GRIP2: variants seen among roughly 807,000 people sequenced by gnomAD.
The protein encoded by GRIP2 is glutamate receptor interacting protein 2, also known as glutamate receptor-interacting protein 2.
A neutral mutation model predicts 108.3 loss-of-function variants in GRIP2; 58 were observed. The ratio of observed to expected loss-of-function variants is 0.54; its 90% CI spans 0.43 to 0.67. The LOEUF is 0.67. Ranked by LOEUF, GRIP2 falls within the 30% of genes least tolerant of loss-of-function variation. The pLI is 0.00. For synonymous variants in GRIP2, 586 were observed against 598.2 expected, an observed-to-expected ratio of 0.98 and a Z score of 0.30; for missense variants, 1,278 against 1,430.6, an observed-to-expected ratio of 0.89 and a Z score of 1.72.
chr3:14,569,570 A>G, the GRIP2 span, among the ~76,000 whole-genome samples: 1 of 152,086 alleles, frequency 6.6e-6, no homozygotes, highest in African/African-American at 2.4e-5. Flanking sequence ...CCTGGGGGAG[A>G]GACCTGGAGA....
intron 1 of GRIP2, among the ~76,000 whole-genome samples, chr3:14,532,872 T>C (rs1411476665): frequency 6.6e-6 from 1 of 152,226 alleles, no homozygotes; most frequent in Non-Finnish European, 1.5e-5. Flanking sequence ...GAGTCAGTGT[T>C]GCTGGTCAAC....
chr3:14,520,404 G>A lies in GRIP2; in HGVS notation c.846C>T (p.Ala282=). 6.2e-7 allele frequency: 1 copy of A among 1,612,422 alleles called. No individual in the cohort carries two copies. The highest frequency in any genetic ancestry group is 2.2e-5 in the East Asian group (1 of 44,872). The change falls in exon 8 of 24, where the codon GCC becomes GCT. Residue 282 remains alanine (A), a synonymous_variant. Transcript: ENST00000621039. ...GTGTGCCTTACCTGTCCACCACGCTGGCTGGCTTGATGCGGTCGATGGTAA... is the reference window on the plus strand; with the variant it reads ...GTGTGCCTTACCTGTCCACCACGCTAGCTGGCTTGATGCGGTCGATGGTAA... ...SVITIDRIKP[A]SVVDRSGALH... is the part of the protein sequence containing the mutation.
At chr3:14,495,465 G>A (rs761196125) in intron 22 of GRIP2, among the ~76,000 whole-genome samples, 30 of 152,054 alleles carry the variant, frequency 2.0e-4, no homozygotes, top group Non-Finnish European at 3.4e-4. Context: ...GGAGTGCAAC[G>A]GCGTGATCTC....
Position 14,523,957 on chromosome 3 carries a change from T to C in GRIP2, c.404-259A>G, listed in dbSNP as rs1694481805. 1.7e-5 allele frequency: 9 copies of C among 536,232 alleles called. No homozygotes were observed. In the South Asian group the frequency reaches 2.1e-4, roughly 13 times the overall value. The allele number at this position is 536,232 out of a possible 1,614,324, so 33.2% of individuals were successfully genotyped here. A position where few individuals can be genotyped will look rare whatever the true frequency, so the allele number is the denominator to read the frequency against. ...ACGGCAGAACTCAGGCTTGAGTCCA[T>C]GGCTGGTAGGCTCAGGCCAGGGCTG... is the stretch of plus-strand genomic sequence containing the variant. On this transcript the variant is annotated intron_variant, in intron 4 of 23. Transcript: ENST00000621039.
At chr3:14,586,398 CT>C in the GRIP2 span, among the ~76,000 whole-genome samples, 2 of 152,198 alleles carry the variant, frequency 1.3e-5, no homozygotes, top group Non-Finnish European at 2.9e-5. Context: ...TGTAGAATGA[CT>C]GAAAGAAGAA....
the GRIP2 span, among the ~76,000 whole-genome samples, chr3:14,566,337 C>G: frequency 6.6e-6 from 1 of 152,232 alleles, no homozygotes; most frequent in Non-Finnish European, 1.5e-5. Flanking sequence ...AGTCACACAC[C>G]ACAGGACTGG....
In GRIP2 at chr3:14,507,467, G is replaced by A; in HGVS notation, c.2218+94C>T. 1.4e-6 allele frequency: 2 copies of A among 1,463,770 alleles called. No individual in the cohort carries two copies. Among genetic ancestry groups the A allele is most frequent in the East Asian group, 2.3e-5 (1 of 43,608 alleles). 90.7% of individuals were successfully genotyped at this position (1,463,770 alleles called of 1,614,324 possible). On this transcript the variant is annotated intron_variant, in intron 18 of 23. Transcript: ENST00000621039. This position sits in a 1 kb window ranked among gnomAD's most constrained non-coding sequence, Gnocchi z 4.6. ...GCCCGCCTCCACAGGGCTGCAGTGA[G>A]GACTCTGTGAGGGTGTGCAGGCAAA...
At position 14,505,137 on chromosome 3, in the gene GRIP2, C is replaced by T. The variant is rs2124864487; in HGVS notation, c.2573+478G>A. On this transcript the variant is annotated intron_variant, in intron 20 of 23. Transcript: ENST00000621039. The surrounding 1 kb of genome is among the most constrained non-coding windows in gnomAD (Gnocchi z 4.2). ...GCAGAAGGAACCGCCTGATCAAAAG[C>T]ACCACGATGGGAGGGTGGCCTGGGC... Among the ~76,000 whole-genome samples, 1 of 152,278 alleles carries T rather than the reference C, an allele frequency of 6.6e-6. No individual in the cohort carries two copies. The highest frequency in any genetic ancestry group is 1.5e-5 in the Non-Finnish European group (1 of 68,014).
Position 14,493,567 on chromosome 3 carries a change from G to T in GRIP2, c.*98C>A. ...AGGCTCAGAGTCTGCCAGACCAACA[G>T]ATGAATGAGTGGGTGGCCGCTTCTC... On this transcript the variant is annotated 3_prime_UTR_variant, in exon 24 of 24. Transcript: ENST00000621039. 1 of 1,350,422 alleles carries T rather than the reference G, an allele frequency of 7.4e-7. No individual in the cohort carries two copies. The highest frequency in any genetic ancestry group is 9.9e-7 in the Non-Finnish European group (1 of 1,005,662). 83.7% of individuals were successfully genotyped at this position (1,350,422 alleles called of 1,614,324 possible).
Position 14,521,793 on chromosome 3 carries a change from G to C in GRIP2, c.567-6C>G, listed in dbSNP as rs1263670089. 1.3e-6 allele frequency: 2 copies of C among 1,587,692 alleles called. No homozygotes were observed. Among genetic ancestry groups the C allele is most frequent in the Non-Finnish European group, 1.7e-6 (2 of 1,167,544 alleles). On this transcript the variant is annotated splice_region_variant and splice_polypyrimidine_tract_variant and intron_variant, in intron 6 of 23. Coordinates refer to ENST00000621039, the MANE Select transcript of GRIP2 (RefSeq NM_001080423.4). This position sits in a 1 kb window ranked among gnomAD's most constrained non-coding sequence, Gnocchi z 5.1. ...CCACCTTCAGGGAGCCCTCCCTGTA[G>C]GGAAGGGCCAGTCACCAGCCTGGCC... is the stretch of plus-strand genomic sequence containing the variant.
upstream of GRIP2, among the ~76,000 whole-genome samples, chr3:14,556,649 C>T (rs193224696): frequency 2.2e-3 from 335 of 152,332 alleles, 1 homozygote; most frequent in Non-Finnish European, 2.9e-3. Flanking sequence ...AACTATAACA[C>T]GTAGCATGGG....
At chr3:14,541,396 C>T (rs373312370), upstream of GRIP2, among the ~76,000 whole-genome samples, 8 of 152,176 alleles carry the variant, frequency 5.3e-5, no homozygotes, top group Non-Finnish European at 8.8e-5. Flanking sequence ...TTCCTGACCG[C>T]GTGGGAACAC....
intron 1 of GRIP2, chr3:14,555,754 G>A (rs1371622108): frequency 5.0e-6 from 2 of 398,512 alleles, no homozygotes; most frequent in Admixed American, 8.8e-5. Context: ...CTGGGACAGA[G>A]ACACGGAGGG....
chr3:14,585,991 C>T, the GRIP2 span, among the ~76,000 whole-genome samples: 5 of 152,200 alleles, frequency 3.3e-5, no homozygotes, highest in East Asian at 3.8e-4. Context: ...CCTGGCACCC[C>T]GGCTAAGCTC....
Position 14,511,959 on chromosome 3 carries a change from T to A in GRIP2, c.1721-480A>T, listed in dbSNP as rs1018911280. Among the ~76,000 whole-genome samples, 1 of 152,202 alleles carries A rather than the reference T, an allele frequency of 6.6e-6. No individual in the cohort carries two copies. On this transcript the variant is annotated intron_variant, in intron 14 of 23. Transcript: ENST00000621039. The surrounding 1 kb of genome is among the most constrained non-coding windows in gnomAD (Gnocchi z 4.1). ...TGCCCTCCTGGAGCTGGCACTCCAG[T>A]GGTGGTCACAATCAACAACATTTAA...
In GRIP2 at chr3:14,509,930, T is replaced by G. The variant is rs777812279; in HGVS notation, c.1968A>C (p.Thr656=). The change falls in exon 17 of 24, where the codon ACA becomes ACC. Residue 656 remains threonine (T), a synonymous_variant. Coordinates refer to ENST00000621039, the MANE Select transcript of GRIP2 (RefSeq NM_001080423.4). The stretch of plus-strand genomic sequence containing the variant: ...GACCCCCGTAGCGCTTCAGCTCCAC[T>G]GTGTAACTGACGGCACCTGTGGTCT... ...ELETTGAVSY[T]VELKRYGGPL... is the part of the protein sequence containing the mutation. 1 of 1,549,106 alleles carries G rather than the reference T, an allele frequency of 6.5e-7. No individual in the cohort carries two copies. The highest frequency in any genetic ancestry group is 8.7e-7 in the Non-Finnish European group (1 of 1,146,096).
At chr3:14,523,758 T>C (rs771363994) in intron 4 of GRIP2, 60 bp from the exon 5 acceptor site, 9 of 1,109,002 alleles carry the variant, frequency 8.1e-6, no homozygotes, top group Non-Finnish European at 1.2e-5. Context: ...CCGGTAGATG[T>C]GCCCAAAGCT....
intron 3 of GRIP2, among the ~76,000 whole-genome samples, chr3:14,524,963 A>T (rs1453053419): frequency 6.6e-6 from 1 of 152,220 alleles, no homozygotes; most frequent in Non-Finnish European, 1.5e-5. Context: ...CTCACAGTCC[A>T]AGGGAGCCAC....
intron 9 of GRIP2, among the ~76,000 whole-genome samples, chr3:14,518,988 CTTGCA>C (rs1694332817): frequency 6.6e-6 from 1 of 152,216 alleles, no homozygotes; most frequent in African/African-American, 2.4e-5. Context: ...GATGTGTAGC[CTTGCA>C]ACGCTACCTC....
Sources: gnomAD v4.1 joint callset for allele counts (sites outside exome capture counted in the v4.1 genomes callset) on GRCh38, gnomAD v4.1.1 for gene constraint, Gnocchi (gnomAD v3.1) non-coding constraint, MANE v1.5 for transcripts, NCBI Gene and HGNC (gene_info 2026-07-23, HGNC 2026-07-21) for gene names.